Variants in TMEM232 observed in about 807,000 individuals in gnomAD.
The protein encoded by TMEM232 is transmembrane protein 232.
TMEM232 carries 80 observed loss-of-function variants against 78.8 expected under a neutral mutation model. The observed-to-expected ratio is 1.01, with a 90% CI of 0.85 to 1.22. TMEM232 has a LOEUF of 1.22. TMEM232 is among the 50% of genes most tolerant of loss of function. The pLI is 0.00. For missense variants in TMEM232, 881 were observed against 742.2 expected (o/e 1.19, Z -2.17); for synonymous variants, 297 against 254.3 (o/e 1.17, Z -1.60).
intron 12 of TMEM232, among the ~76,000 whole-genome samples, chr5:110,505,581 A>C (rs374064745): frequency 1.0e-3 from 156 of 152,292 alleles, no homozygotes; most frequent in African/African-American, 3.6e-3. Flanking sequence ...ATCTCAGCTC[A>C]CTGCAACCTC....
rs59026770 is a variant in TMEM232 at position 110,466,616 on chromosome 5, G to GTTT, written c.1704-41703_1704-41701dup. 3.8e-3 allele frequency among the ~76,000 whole-genome samples: 548 copies of GTTT among 143,458 alleles called. 6 individuals are homozygous for GTTT. Among genetic ancestry groups the GTTT allele is most frequent in the African/African-American group, 0.013 (521 of 39,092 alleles). The allele number at this position is 143,458 out of a possible 152,430, so 94.1% of individuals were successfully genotyped here. A position where few individuals can be genotyped will look rare whatever the true frequency, so the allele number is the denominator to read the frequency against. On this transcript the variant is annotated intron_variant, in intron 12 of 13. Coordinates refer to ENST00000455884, the MANE Select transcript of TMEM232 (RefSeq NM_001039763.4). Reference sequence around the variant, plus strand: ...TTTTAAGGTTCATAGGACAAGCATAGTTTTTTTTTTTTTTGAGATGGAGTC... The same window carrying GTTT: ...TTTTAAGGTTCATAGGACAAGCATAGTTTTTTTTTTTTTTTTTGAGATGGAGTC...
intron 8 of TMEM232, among the ~76,000 whole-genome samples, chr5:110,613,727 G>C (rs1349050541): frequency 1.3e-5 from 2 of 151,914 alleles, no homozygotes; most frequent in East Asian, 3.9e-4. Context: ...TAGTATCTTA[G>C]GAGTACATAA....
intron 2 of TMEM232, among the ~76,000 whole-genome samples, chr5:110,402,534 A>C (rs1561456788): frequency 6.6e-6 from 1 of 152,088 alleles, no homozygotes; most frequent in Non-Finnish European, 1.5e-5. Flanking sequence ...TGGGTAATTT[A>C]ACCAAAAGAG....
intron 5 of TMEM232, among the ~76,000 whole-genome samples, chr5:110,635,689 GACC>G (rs993340980): frequency 1.1e-4 from 16 of 151,414 alleles, no homozygotes; most frequent in Non-Finnish European, 2.1e-4. Flanking sequence ...AAATAATAAA[GACC>G]ATATACCACA....
intron 1 of TMEM232, among the ~76,000 whole-genome samples, chr5:110,670,537 C>T (rs1024931498): frequency 7.9e-5 from 12 of 152,034 alleles, no homozygotes; most frequent in East Asian, 1.9e-4. Flanking sequence ...GAATCAATAT[C>T]GTGAAAATGG....
chr5:110,625,371 T>A lies in TMEM232; in HGVS notation c.664A>T (p.Ile222Phe). 1.3e-6 allele frequency: 2 copies of A among 1,548,022 alleles called. No homozygotes were observed. Among genetic ancestry groups the A allele is most frequent in the Non-Finnish European group, 1.7e-6 (2 of 1,144,830 alleles). The change falls in exon 7 of 14, where the codon ATC (isoleucine) becomes TTC (phenylalanine). Residue 222 changes from isoleucine to phenylalanine, a missense_variant. By Grantham distance (21) the Ile-to-Phe change is conservative. Transcript: ENST00000455884. ...YPNIFSNVQF[I>F]LKASEIIGKR... ...CCTATAATTTCCGAGGCTTTCAGGA[T>A]GAATTGCACATTTGAAAAGATGTTT...
At chr5:110,412,454 C>T (rs892295450) in intron 2 of TMEM232, among the ~76,000 whole-genome samples, 6 of 152,100 alleles carry the variant, frequency 3.9e-5, no homozygotes, top group Non-Finnish European at 7.4e-5. Context: ...TTTCAATTTC[C>T]ACCTTTCTCG....
intron 12 of TMEM232, among the ~76,000 whole-genome samples, chr5:110,481,245 G>T (rs1035985687): frequency 6.6e-6 from 1 of 151,954 alleles, no homozygotes; most frequent in African/African-American, 2.4e-5. Flanking sequence ...ATGTTAAATT[G>T]CACTGTTATA....
At position 110,567,810 on chromosome 5, in the gene TMEM232, T is replaced by C. The variant is rs139485958; in HGVS notation, c.1455+637A>G. On this transcript the variant is annotated intron_variant, in intron 11 of 13. Coordinates refer to ENST00000455884, the MANE Select transcript of TMEM232 (RefSeq NM_001039763.4). ...CCTTCTTCCTGGTATTTCTGGTCAC[T>C]GAACTAGACAAGGGAGGAAATGCTC... Among the ~76,000 whole-genome samples the C allele has an allele frequency of 3.9e-4, 60 of 152,076 alleles. 1 individual carries two copies. Among genetic ancestry groups the C allele is most frequent in the Middle Eastern group, 3.4e-3 (1 of 294 alleles).
chr5:110,710,257 A>G (rs890415330), intron 1 of TMEM232, among the ~76,000 whole-genome samples: 1 of 152,102 alleles, frequency 6.6e-6, no homozygotes, highest in African/African-American at 2.4e-5. Flanking sequence ...ATAATATCAA[A>G]TCCATAATAA....
chr5:110,398,518 A>G lies in TMEM232; in HGVS notation n.309-664T>C, dbSNP rs557632202. ...CAGTCTCTATCACTTCTTGCCATGGACAGATCTGCATAGGCCACCCCTTAA... is the reference window on the plus strand; with the variant it reads ...CAGTCTCTATCACTTCTTGCCATGGGCAGATCTGCATAGGCCACCCCTTAA... On this transcript the variant is annotated intron_variant and non_coding_transcript_variant, in intron 2 of 8. Coordinates refer to the TMEM232 transcript ENST00000507188. Among the ~76,000 whole-genome samples, 24 of 152,228 alleles carry G rather than the reference A, an allele frequency of 1.6e-4. No individual in the cohort carries two copies. In the South Asian group the frequency reaches 4.8e-3, roughly 30 times the overall value.
chr5:110,714,318 T>A (rs1026617608), intron 1 of TMEM232, among the ~76,000 whole-genome samples: 1 of 152,190 alleles, frequency 6.6e-6, no homozygotes, highest in African/African-American at 2.4e-5. Flanking sequence ...TAACCCTATA[T>A]ACAGTGGTAA....
chr5:110,409,593 G>A lies in TMEM232; in HGVS notation n.309-11739C>T, dbSNP rs538791134. On this transcript the variant is annotated intron_variant and non_coding_transcript_variant, in intron 2 of 8. Coordinates refer to the TMEM232 transcript ENST00000507188. ...AGCTAGTTTTCTCTTTCTGAAAGAG[G>A]TTTACTCTTTTCAAAATGCCTGATT... is the stretch of plus-strand genomic sequence containing the variant. Among the ~76,000 whole-genome samples, 3 of 152,168 alleles carry A rather than the reference G, an allele frequency of 2.0e-5. No individual in the cohort carries two copies. The East Asian group carries it at 5.8e-4, about 29-fold the overall frequency.
At chr5:110,541,569 C>G (rs1162099229) in intron 11 of TMEM232, among the ~76,000 whole-genome samples, 1 of 152,008 alleles carries the variant, frequency 6.6e-6, no homozygotes, top group African/African-American at 2.4e-5. Flanking sequence ...CTCTCAGAAT[C>G]AAATACTATT....
chr5:110,698,695 CT>C (rs1795089573), intron 1 of TMEM232, among the ~76,000 whole-genome samples: 2 of 152,010 alleles, frequency 1.3e-5, no homozygotes, highest in South Asian at 4.1e-4. Context: ...TACTTAGGAC[CT>C]CTAAGAGGAG....
chr5:110,675,672 G>C (rs1791938068), intron 1 of TMEM232, among the ~76,000 whole-genome samples: 1 of 152,004 alleles, frequency 6.6e-6, no homozygotes, highest in Admixed American at 6.6e-5. Context: ...AATAAGAATT[G>C]TATATATTTA....
chr5:110,468,023 T>G (rs867068323), intron 12 of TMEM232, among the ~76,000 whole-genome samples: 15 of 151,976 alleles, frequency 9.9e-5, no homozygotes, highest in African/African-American at 3.6e-4. Context: ...ACCAGTCATA[T>G]GGGAATAGGG....
Position 110,420,439 on chromosome 5 carries a change from A to T in TMEM232, c.*141T>A. On this transcript the variant is annotated 3_prime_UTR_variant, in exon 14 of 14. Transcript: ENST00000455884. ...AACTATTAAACAAACAGCTTGTATC[A>T]GGAAAACAAATTCTTTCTAAACAAT... 1 of 554,366 alleles carries T rather than the reference A, an allele frequency of 1.8e-6. No individual in the cohort carries two copies. Among genetic ancestry groups the T allele is most frequent in the Non-Finnish European group, 2.9e-6 (1 of 344,374 alleles). 34.3% of individuals were successfully genotyped at this position (554,366 alleles called of 1,614,324 possible).
chr5:110,727,447 A>G (rs1433849075), upstream of TMEM232, among the ~76,000 whole-genome samples: 1 of 152,152 alleles, frequency 6.6e-6, no homozygotes, highest in African/African-American at 2.4e-5. Context: ...CGTCTCTACT[A>G]AAAATACAAA....
Sources: allele counts gnomAD v4.1 joint callset (sites outside exome capture counted in the v4.1 genomes callset), GRCh38; gene constraint gnomAD v4.1.1; transcripts MANE v1.5; gene names NCBI Gene and HGNC (gene_info 2026-07-23, HGNC 2026-07-21).